Variants in EPB41L4B observed in about 807,000 individuals in gnomAD.
EPB41L4B encodes the protein band 4.1-like protein 4B.
Under a neutral mutation model 112.5 loss-of-function variants are expected in EPB41L4B, and 30 were observed. That is an observed-to-expected ratio of 0.27 (90% CI 0.20 to 0.36). The LOEUF is 0.36. Among genes scored for constraint, EPB41L4B ranks in the 10% least tolerant of loss-of-function variants. EPB41L4B has a pLI of 1.00. For synonymous variants in EPB41L4B, 408 were observed against 439.7 expected (o/e 0.93, Z 0.90); for missense variants, 1,024 against 1,133.3 (o/e 0.90, Z 1.38).
chr9:109,289,020 G>A (rs1836419766), intron 1 of EPB41L4B, among the ~76,000 whole-genome samples: 1 of 152,094 alleles, frequency 6.6e-6, no homozygotes, highest in African/African-American at 2.4e-5. Context: ...CCCCCTAGTG[G>A]GTCCCTCCTG....
At chr9:109,195,709 T>A (rs529471511) in intron 20 of EPB41L4B, among the ~76,000 whole-genome samples, 10 of 152,368 alleles carry the variant, frequency 6.6e-5, no homozygotes, top group African/African-American at 2.2e-4. Flanking sequence ...TTACCTCATT[T>A]AAAAAATTAT....
At chr9:109,277,489 G>A (rs1407146937) in intron 2 of EPB41L4B, among the ~76,000 whole-genome samples, 3 of 152,112 alleles carry the variant, frequency 2.0e-5, no homozygotes, top group Non-Finnish European at 2.9e-5. Context: ...TGGACCTGTC[G>A]GGTGGCCAAG....
chr9:109,210,669 C>A (rs1297195827), intron 17 of EPB41L4B, among the ~76,000 whole-genome samples: 1 of 152,076 alleles, frequency 6.6e-6, no homozygotes, highest in African/African-American at 2.4e-5. Context: ...CAGGTGAAGG[C>A]CAATATACAT....
At position 109,200,332 on chromosome 9, in the gene EPB41L4B, C is replaced by T. The variant is rs781759422; in HGVS notation, c.1949G>A (p.Ser650Asn). Reference sequence around the variant, plus strand: ...AGTTTCCACACGAATAGGAATAGGACTTCTAGAGACACACCGAAAAACAGA... The same window carrying T: ...AGTTTCCACACGAATAGGAATAGGATTTCTAGAGACACACCGAAAAACAGA... The part of the protein sequence containing the change: ...KSSLQDASVR[S>N]PIPIRVETAQ... The change falls in exon 20 of 26, where the codon AGT becomes AAT. Residue 650 changes from serine (S) to asparagine (N), a missense_variant and splice_region_variant. Coordinates refer to ENST00000374566, the MANE Select transcript of EPB41L4B (RefSeq NM_019114.5). The T allele has an allele frequency of 1.2e-6, 2 of 1,613,502 alleles. No homozygotes were observed. Among genetic ancestry groups the T allele is most frequent in the African/African-American group, 1.3e-5 (1 of 74,994 alleles).
chr9:109,194,515 A>G, intron 20 of EPB41L4B, 118 bp from the exon 21 acceptor site: 1 of 1,059,016 alleles, frequency 9.4e-7, no homozygotes, highest in Non-Finnish European at 1.3e-6. Flanking sequence ...GGGTTCCCAA[A>G]CAGATGTCCA....
chr9:109,253,427 G>A lies in EPB41L4B; in HGVS notation c.1279+14C>T. The A allele has an allele frequency of 6.3e-7, 1 of 1,578,136 alleles. No homozygotes were observed. On this transcript the variant is annotated intron_variant, in intron 12 of 25. Coordinates refer to ENST00000374566, the MANE Select transcript of EPB41L4B (RefSeq NM_019114.5). ...ATAATGTAAAATTCCAAGAAAGAAT[G>A]AAAAACACACAACCTTTGAACGTTG...
intron 1 of EPB41L4B, among the ~76,000 whole-genome samples, chr9:109,318,185 G>C (rs946792971): frequency 1.3e-4 from 20 of 151,042 alleles, no homozygotes; most frequent in Non-Finnish European, 2.2e-4. Flanking sequence ...GTGTGTGCAC[G>C]CGCATAAATA....
intron 1 of EPB41L4B, among the ~76,000 whole-genome samples, chr9:109,296,695 G>A (rs1189721811): frequency 6.6e-6 from 1 of 151,334 alleles, no homozygotes; most frequent in Non-Finnish European, 1.5e-5. Flanking sequence ...AGATTGGCAT[G>A]GGCAACACAG....
chr9:109,237,612 G>C (rs1026428324), intron 15 of EPB41L4B, among the ~76,000 whole-genome samples: 1 of 152,170 alleles, frequency 6.6e-6, no homozygotes, highest in African/African-American at 2.4e-5. Flanking sequence ...ATGCCTGTGG[G>C]GACAGGATTT....
At chr9:109,284,368 C>T (rs1378837110) in intron 1 of EPB41L4B, among the ~76,000 whole-genome samples, 1 of 152,196 alleles carries the variant, frequency 6.6e-6, no homozygotes, top group Non-Finnish European at 1.5e-5. Context: ...TGGAAACCAT[C>T]TATATTAGGA....
At chr9:109,268,805 G>C (rs1170671642) in intron 2 of EPB41L4B, among the ~76,000 whole-genome samples, 1 of 148,386 alleles carries the variant, frequency 6.7e-6, no homozygotes, top group Non-Finnish European at 1.5e-5. Flanking sequence ...GCTGAGGCAG[G>C]AGAATGGCGT....
chr9:109,173,928 T>C lies in EPB41L4B; in HGVS notation c.*626A>G, dbSNP rs1831719015. ...TCATTTCCTACTTTGGGTTCAATGA[T>C]AAATTCTGTTTATTCCAAATAATAT... On this transcript the variant is annotated 3_prime_UTR_variant, in exon 26 of 26. Transcript: ENST00000374566. 1 of 152,376 alleles carries C rather than the reference T, an allele frequency of 6.6e-6. No homozygotes were observed. The highest frequency in any genetic ancestry group is 2.1e-4 in the South Asian group (1 of 4,826). The allele number at this position is 152,376 out of a possible 1,614,324, so 9.4% of individuals were successfully genotyped here.
In EPB41L4B at chr9:109,320,479, T is replaced by C. The variant is rs1035278167; in HGVS notation, c.-33A>G. On this transcript the variant is annotated 5_prime_UTR_variant, in exon 1 of 26. Transcript: ENST00000374566. ...GGGGGCGCCCCCTGCCTCCGCCCCC[T>C]GCGCTGCCGCTGCCGCTGCCGCTGC... is the stretch of plus-strand genomic sequence containing the variant. 133 of 882,680 alleles carry C rather than the reference T, an allele frequency of 1.5e-4. No homozygotes were observed. The highest frequency in any genetic ancestry group is 1.7e-4 in the Non-Finnish European group (131 of 756,230). 54.7% of individuals were successfully genotyped at this position (882,680 alleles called of 1,614,324 possible). A position where few individuals can be genotyped will look rare whatever the true frequency, so the allele number is the denominator to read the frequency against.
chr9:109,220,793 G>A lies in EPB41L4B; in HGVS notation c.1410-3648C>T, dbSNP rs545624747. Reference sequence around the variant, plus strand: ...TGTGTGTGAGCATATGTGTGTGTGCGTGTGTGTGTGTAAGAATGTGGAAGA... The same window carrying A: ...TGTGTGTGAGCATATGTGTGTGTGCATGTGTGTGTGTAAGAATGTGGAAGA... On this transcript the variant is annotated intron_variant, in intron 15 of 25. Transcript: ENST00000374566. Among the ~76,000 whole-genome samples the A allele has an allele frequency of 4.7e-3, 618 of 130,490 alleles. 4 individuals carry two copies. Among genetic ancestry groups the A allele is most frequent in the African/African-American group, 0.018 (574 of 32,388 alleles). 85.6% of individuals were successfully genotyped at this position (130,490 alleles called of 152,430 possible).
At chr9:109,212,853 T>A (rs909820894) in intron 17 of EPB41L4B, among the ~76,000 whole-genome samples, 4 of 152,196 alleles carry the variant, frequency 2.6e-5, no homozygotes, top group Admixed American at 2.6e-4. Flanking sequence ...CCTAGTGGCA[T>A]TTAGTGCATT....
chr9:109,307,104 C>T, intron 1 of EPB41L4B: 2 of 247,906 alleles, frequency 8.1e-6, no homozygotes, highest in Non-Finnish European at 1.6e-5. Flanking sequence ...CTGTAACTAT[C>T]TGGAAAACTT....
chr9:109,201,654 AC>A (rs1289099484), intron 19 of EPB41L4B, among the ~76,000 whole-genome samples: 1 of 152,124 alleles, frequency 6.6e-6, no homozygotes, highest in Non-Finnish European at 1.5e-5. Context: ...GGGGAAAGCT[AC>A]GTGGAGGAGT....
At chr9:109,317,552 G>T (rs1040046452) in intron 1 of EPB41L4B, among the ~76,000 whole-genome samples, 2 of 152,178 alleles carry the variant, frequency 1.3e-5, no homozygotes, top group African/African-American at 4.8e-5. Flanking sequence ...TTGTGTTCCA[G>T]ACAATTTCAG....
intron 20 of EPB41L4B, among the ~76,000 whole-genome samples, chr9:109,195,808 G>T (rs1186085537): frequency 6.6e-6 from 1 of 152,162 alleles, no homozygotes; most frequent in Non-Finnish European, 1.5e-5. Context: ...GGAGTCAACT[G>T]ACACTGCCTA....
Sources: gnomAD v4.1 joint callset for allele counts (sites outside exome capture counted in the v4.1 genomes callset) on GRCh38, gnomAD v4.1.1 for gene constraint, MANE v1.5 for transcripts, NCBI Gene and HGNC (gene_info 2026-07-23, HGNC 2026-07-21) for gene names.